Variants in NLGN4X observed in about 807,000 individuals in gnomAD.
NLGN4X encodes the protein neuroligin-4, X-linked.
In NLGN4X, 3 loss-of-function variants were observed where a neutral mutation model predicts 40.3. The ratio of observed to expected loss-of-function variants is 0.07; its 90% CI spans 0.03 to 0.19. The LOEUF (loss-of-function observed/expected upper bound fraction) is 0.19, where lower values mean the gene tolerates loss of function less well. Among genes scored for constraint, NLGN4X ranks in the 10% least tolerant of loss-of-function variants. The probability of loss-of-function intolerance (pLI) is 1.00; values close to 1 mark genes in which losing one functional copy is unlikely to be tolerated. For missense variants in NLGN4X, 382 were observed against 708.3 expected (o/e 0.54, Z 5.23); for synonymous variants, 270 against 306.8 (o/e 0.88, Z 1.25).
In NLGN4X at chrX:6,030,595, T is replaced by G. The variant is rs184494370; in HGVS notation, c.473-1163A>C. Reference sequence around the variant, plus strand: ...ACCATCGTTTGGATGGTGGCTCCAATTTGAATGAATTATGATCACAATTTT... The same window carrying G: ...ACCATCGTTTGGATGGTGGCTCCAAGTTGAATGAATTATGATCACAATTTT... On this transcript the variant is annotated intron_variant, in intron 2 of 5. Coordinates refer to ENST00000381095, the MANE Select transcript of NLGN4X (RefSeq NM_181332.3). Among the ~76,000 whole-genome samples the G allele has an allele frequency of 1.5e-3, 171 of 110,623 alleles. 1 individual carries two copies. The highest frequency in any genetic ancestry group is 5.1e-3 in the African/African-American group (156 of 30,458).
At chrX:6,220,990 A>G (rs918902793) in intron 1 of NLGN4X, among the ~76,000 whole-genome samples, 28 of 110,704 alleles carry the variant, frequency 2.5e-4, no homozygotes, top group African/African-American at 7.2e-4. Flanking sequence ...CGCCCACCTC[A>G]GCCTCCCAAA....
At chrX:6,037,791 G>T (rs1330413203) in intron 2 of NLGN4X, among the ~76,000 whole-genome samples, 1 of 110,663 alleles carries the variant, frequency 9.0e-6, no homozygotes, top group Non-Finnish European at 1.9e-5. Flanking sequence ...TGTTTTCCTG[G>T]CTATCACAGA....
chrX:6,095,254 A>C (rs909734370), intron 2 of NLGN4X, among the ~76,000 whole-genome samples: 2 of 110,340 alleles, frequency 1.8e-5, no homozygotes, highest in African/African-American at 3.3e-5. Context: ...TTGACTCTGA[A>C]GCATATATGC....
chrX:6,040,942 A>C lies in NLGN4X; in HGVS notation c.473-11510T>G, dbSNP rs758690808. ...GCAGAACATTTTCATGATCCCCCCC[A>C]AAAAAATATGGTACCATTTAGTGGT... On this transcript the variant is annotated intron_variant, in intron 2 of 5. Transcript: ENST00000381095. 2.2e-3 allele frequency among the ~76,000 whole-genome samples: 241 copies of C among 111,440 alleles called. 3 individuals carry two copies. Among genetic ancestry groups the C allele is most frequent in the African/African-American group, 7.7e-3 (237 of 30,677 alleles).
intron 2 of NLGN4X, among the ~76,000 whole-genome samples, chrX:6,134,119 T>C (rs1164348944): frequency 9.0e-6 from 1 of 111,444 alleles, no homozygotes; most frequent in Non-Finnish European, 1.9e-5. Flanking sequence ...GTTGAGCTTC[T>C]CAGCTTTCAT....
chrX:6,037,844 T>C (rs886235227), intron 2 of NLGN4X, among the ~76,000 whole-genome samples: 1 of 111,436 alleles, frequency 9.0e-6, no homozygotes, highest in East Asian at 2.8e-4. Context: ...CATAGAGTAA[T>C]ATGGGCTTAA....
At chrX:6,119,984 A>G (rs908931589) in intron 2 of NLGN4X, among the ~76,000 whole-genome samples, 7 of 111,702 alleles carry the variant, frequency 6.3e-5, no homozygotes, top group Admixed American at 9.5e-5. Flanking sequence ...TATGCATTGC[A>G]TCTTGTCACT....
chrX:5,916,816 T>C (rs758087837), intron 3 of NLGN4X, among the ~76,000 whole-genome samples: 4 of 112,456 alleles, frequency 3.6e-5, no homozygotes, highest in South Asian at 7.4e-4. Flanking sequence ...TTTCGAAGCA[T>C]GTGACTATAG....
intron 3 of NLGN4X, among the ~76,000 whole-genome samples, chrX:5,949,070 C>T (rs1257117875): frequency 1.8e-5 from 2 of 111,590 alleles, no homozygotes; most frequent in African/African-American, 6.5e-5. Context: ...CTCCAAGTGC[C>T]CTAAATGGAA....
At chrX:6,015,737 G>A (rs1470261117) in intron 3 of NLGN4X, among the ~76,000 whole-genome samples, 11 of 111,480 alleles carry the variant, frequency 9.9e-5, no homozygotes, top group African/African-American at 1.6e-4. Flanking sequence ...TATCTGTCCC[G>A]GCATCCTTAT....
intron 2 of NLGN4X, among the ~76,000 whole-genome samples, chrX:6,086,989 G>A (rs1233335885): frequency 9.0e-6 from 1 of 111,582 alleles, no homozygotes; most frequent in Non-Finnish European, 1.9e-5. Flanking sequence ...CATCAGCTGA[G>A]TCCAAATTCT....
In NLGN4X at chrX:5,912,451, T is replaced by G. The variant is rs961619204; in HGVS notation, c.626-3212A>C. Among the ~76,000 whole-genome samples the G allele has an allele frequency of 4.5e-5, 5 of 111,431 alleles. No homozygotes were observed. The East Asian group carries it at 1.4e-3, about 32-fold the overall frequency. On this transcript the variant is annotated intron_variant, in intron 3 of 5. Coordinates refer to ENST00000381095, the MANE Select transcript of NLGN4X (RefSeq NM_181332.3). ...GATTTGAGTAACAATAAAACTCCAG[T>G]CTCCCATTTAGCCAGCTCTGCAGGA...
At chrX:5,929,401 A>T (rs1034075022) in intron 3 of NLGN4X, among the ~76,000 whole-genome samples, 1 of 111,787 alleles carries the variant, frequency 8.9e-6, no homozygotes, top group African/African-American at 3.2e-5. Flanking sequence ...CAGGAGGTGG[A>T]GGTTGCAGTG....
At chrX:5,944,004 CCCTTTTTG>C (rs1301866032) in intron 3 of NLGN4X, among the ~76,000 whole-genome samples, 1 of 111,828 alleles carries the variant, frequency 8.9e-6, no homozygotes, top group African/African-American at 3.3e-5. Flanking sequence ...TTTGGGGACA[CCCTTTTTG>C]CCTCACCAAC....
chrX:6,056,475 C>CAA (rs1235182311), intron 2 of NLGN4X, among the ~76,000 whole-genome samples: 1 of 92,592 alleles, frequency 1.1e-5, no homozygotes, highest in Non-Finnish European at 2.2e-5. Flanking sequence ...GATTCCATCT[C>CAA]AAAAAAAAAA....
chrX:6,016,136 G>A (rs190429111), intron 3 of NLGN4X, among the ~76,000 whole-genome samples: 1 of 112,437 alleles, frequency 8.9e-6, no homozygotes, highest in African/African-American at 3.2e-5. Context: ...ATAAGCACAT[G>A]AATAGGTGTT....
At chrX:5,998,112 T>C (rs2035880863) in intron 3 of NLGN4X, among the ~76,000 whole-genome samples, 1 of 111,528 alleles carries the variant, frequency 9.0e-6, no homozygotes, top group South Asian at 3.8e-4. Context: ...TTATGAAATG[T>C]AATTGTGCAT....
At chrX:6,218,484 A>G (rs1406391933) in intron 1 of NLGN4X, among the ~76,000 whole-genome samples, 1 of 108,935 alleles carries the variant, frequency 9.2e-6, no homozygotes, top group Non-Finnish European at 1.9e-5. Context: ...CCACACACAC[A>G]CACACACACA....
chrX:6,029,310 T>C lies in NLGN4X; in HGVS notation c.595A>G (p.Ile199Val). 8.3e-7 allele frequency: 1 copy of C among 1,211,273 alleles called. No homozygotes were observed. Among genetic ancestry groups the C allele is most frequent in the South Asian group, 1.8e-5 (1 of 56,958 alleles). The change falls in exon 3 of 6, where the codon ATC becomes GTC. Residue 199 changes from isoleucine to valine, a missense_variant. Coordinates refer to ENST00000381095, the MANE Select transcript of NLGN4X (RefSeq NM_181332.3). ...ILASYGNVIVITINYRLGILG... is the reference protein window; with the variant it reads ...ILASYGNVIVVTINYRLGILG... ...ATTCCCAGACGGTAGTTAATGGTGA[T>C]CACGATGACGTTTCCGTAGCTTGCC...
Sources: allele counts gnomAD v4.1 joint callset (sites outside exome capture counted in the v4.1 genomes callset), GRCh38; gene constraint gnomAD v4.1.1; transcripts MANE v1.5; gene names NCBI Gene and HGNC (gene_info 2026-07-23, HGNC 2026-07-21).